Variants in MARCHF1 observed in about 807,000 individuals in gnomAD.
MARCHF1 encodes the protein membrane associated ring-CH-type finger 1.
MARCHF1 carries 40 observed loss-of-function variants against 54.2 expected under a neutral mutation model. The ratio of observed to expected loss-of-function variants is 0.74; its 90% confidence interval spans 0.57 to 0.96. The LOEUF is 0.96. Ranked by LOEUF, MARCHF1 falls within the 40% of genes least tolerant of loss-of-function variation. MARCHF1 has a pLI of 0.00. For synonymous variants in MARCHF1, 236 were observed against 236.3 expected (o/e 1.00, Z 0.01); for missense variants, 586 against 656.5 (o/e 0.89, Z 1.17).
intron 2 of MARCHF1, among the ~76,000 whole-genome samples, chr4:164,047,737 T>G (rs1302189140): frequency 6.6e-6 from 1 of 152,232 alleles, no homozygotes; most frequent in Non-Finnish European, 1.5e-5. Flanking sequence ...CCTTCAAGGT[T>G]CAGCCTAAAT....
intron 2 of MARCHF1, among the ~76,000 whole-genome samples, chr4:164,019,603 G>A (rs530256375): frequency 1.3e-5 from 2 of 152,074 alleles, no homozygotes; most frequent in South Asian, 2.1e-4. Context: ...CAAAGCATTG[G>A]GCAATCAATT....
chr4:164,350,577 C>T (rs868736409), intron 1 of MARCHF1, among the ~76,000 whole-genome samples: 9 of 152,258 alleles, frequency 5.9e-5, no homozygotes, highest in South Asian at 2.1e-4. Context: ...GATCTCTACA[C>T]GCTATATACA....
intron 9 of MARCHF1, among the ~76,000 whole-genome samples, chr4:163,539,317 A>G (rs1738649999): frequency 1.3e-5 from 2 of 152,144 alleles, no homozygotes; most frequent in Non-Finnish European, 2.9e-5. Flanking sequence ...CAACACACCC[A>G]GCCTGGGATG....
intron 4 of MARCHF1, among the ~76,000 whole-genome samples, chr4:163,778,738 A>G (rs1747375950): frequency 6.6e-6 from 1 of 152,180 alleles, no homozygotes; most frequent in South Asian, 2.1e-4. Context: ...TAAGCAAAAC[A>G]AGTCAGACAC....
intron 5 of MARCHF1, among the ~76,000 whole-genome samples, chr4:163,620,594 CACACACACACACAGAGAGAGAGAGAG>C (rs1212095227): frequency 0.012 from 1,151 of 92,844 alleles, 13 homozygotes; most frequent in African/African-American, 0.061. Flanking sequence ...CACACACACA[CACACACACACACAGAGAGAGAGAGAG>C]AGAGAGAGAG....
At chr4:163,690,273 A>C (rs1744406222) in intron 5 of MARCHF1, among the ~76,000 whole-genome samples, 1 of 152,202 alleles carries the variant, frequency 6.6e-6, no homozygotes, top group Non-Finnish European at 1.5e-5. Flanking sequence ...ACTTCCCTCA[A>C]AAAAGAGTCT....
intron 1 of MARCHF1, among the ~76,000 whole-genome samples, chr4:164,152,193 T>C (rs1729961128): frequency 6.6e-6 from 1 of 152,234 alleles, no homozygotes. Context: ...CAGGTGGTGA[T>C]ACTTGGTGTA....
At chr4:164,029,276 C>T (rs546581461) in intron 2 of MARCHF1, among the ~76,000 whole-genome samples, 72 of 152,124 alleles carry the variant, frequency 4.7e-4, no homozygotes, top group African/African-American at 1.5e-3. Context: ...CTTACAATCA[C>T]GGAGGAAGGC....
intron 2 of MARCHF1, among the ~76,000 whole-genome samples, chr4:163,999,700 T>C (rs1220828163): frequency 6.6e-6 from 1 of 151,596 alleles, no homozygotes; most frequent in Non-Finnish European, 1.5e-5. Context: ...TTAATTGCTA[T>C]TTATTGAGCC....
intron 2 of MARCHF1, among the ~76,000 whole-genome samples, chr4:164,066,846 G>A (rs1303869596): frequency 1.3e-5 from 2 of 152,130 alleles, no homozygotes; most frequent in Admixed American, 1.3e-4. Flanking sequence ...CAGTGGGAAA[G>A]AACATACACT....
chr4:163,742,374 C>T (rs1450376594), intron 4 of MARCHF1, among the ~76,000 whole-genome samples: 1 of 129,466 alleles, frequency 7.7e-6, no homozygotes, highest in African/African-American at 2.9e-5. Context: ...CTCTCTCCCT[C>T]CCTCGCTACC....
intron 1 of MARCHF1, among the ~76,000 whole-genome samples, chr4:164,288,403 C>G (rs1734203703): frequency 6.6e-6 from 1 of 151,872 alleles, no homozygotes; most frequent in South Asian, 2.1e-4. Context: ...TGGGGCTATT[C>G]GTGATAGACA....
At chr4:163,640,724 A>G (rs1332540876) in intron 5 of MARCHF1, among the ~76,000 whole-genome samples, 2 of 152,110 alleles carry the variant, frequency 1.3e-5, no homozygotes, top group East Asian at 3.8e-4. Context: ...TTCATGCCTA[A>G]GTGACTGCAT....
intron 1 of MARCHF1, among the ~76,000 whole-genome samples, chr4:164,220,470 T>C (rs750471005): frequency 4.8e-5 from 7 of 146,006 alleles, no homozygotes; most frequent in Non-Finnish European, 1.1e-4. Context: ...TATATAGGTA[T>C]GGAATATATA....
At chr4:163,529,178 C>G in intron 9 of MARCHF1, 132 bp from the exon 10 acceptor site, 1 of 654,610 alleles carries the variant, frequency 1.5e-6, no homozygotes, top group Non-Finnish European at 2.6e-6. Flanking sequence ...ATAATATATT[C>G]TTCATAACTA....
rs140830665 is a variant in MARCHF1, at chr4:163,942,709, T to C, written c.-39+45792A>G. On this transcript the variant is annotated intron_variant, in intron 3 of 9. Coordinates refer to ENST00000514618, the MANE Select transcript of MARCHF1 (RefSeq NM_001394959.1). ...ACACAAAATGTTTTTCCCCTATTTA[T>C]TCCTCCCCATAGGGAGTTATAGGAA... Among the ~76,000 whole-genome samples the C allele has an allele frequency of 1.2e-4, 18 of 152,288 alleles. No individual in the cohort carries two copies. In the East Asian group the frequency reaches 3.3e-3, roughly 28 times the overall value.
intron 3 of MARCHF1, among the ~76,000 whole-genome samples, chr4:163,911,243 A>C (rs970117708): frequency 6.6e-6 from 1 of 152,114 alleles, no homozygotes; most frequent in Non-Finnish European, 1.5e-5. Flanking sequence ...TGATTGAGTA[A>C]TTTGATTGGT....
At chr4:163,763,767 G>T (rs571738090) in intron 4 of MARCHF1, among the ~76,000 whole-genome samples, 1 of 152,138 alleles carries the variant, frequency 6.6e-6, no homozygotes, top group East Asian at 1.9e-4. Context: ...CAAATTAATG[G>T]ATTATACTGT....
At chr4:163,632,202 T>C (rs13149649) in intron 5 of MARCHF1, among the ~76,000 whole-genome samples, 50,662 of 152,088 alleles carry the variant, frequency 0.33, 9,308 homozygotes, top group Non-Finnish European at 0.42. Context: ...GTTTGAATAT[T>C]TGTCCACTCC....
Sources: gnomAD v4.1 joint callset for allele counts (sites outside exome capture counted in the v4.1 genomes callset) on GRCh38, gnomAD v4.1.1 for gene constraint, MANE v1.5 for transcripts, NCBI Gene and HGNC (gene_info 2026-07-23, HGNC 2026-07-21) for gene names.